The following KCNQ1OT1 variants were observed in gnomAD, a reference collection of about 807,000 sequenced individuals.
The protein encoded by KCNQ1OT1 is KCNQ1 antisense RNA 2 (non-protein coding).
At chr11:2,628,159 A>T in exon 1 of KCNQ1OT1, 1 of 398,638 alleles carries the variant, frequency 2.5e-6, no homozygotes, top group East Asian at 3.6e-5. Context: ...CCCGGAACTG[A>T]GACTGCTGGA....
exon 1 of KCNQ1OT1, chr11:2,692,041 C>A (rs1393195268): frequency 7.5e-6 from 3 of 398,778 alleles, no homozygotes; most frequent in Non-Finnish European, 1.3e-5. Context: ...CCTGACCCCC[C>A]AAATGTCTCT....
chr11:2,667,555 C>T, exon 1 of KCNQ1OT1: 1 of 318,004 alleles, frequency 3.1e-6, no homozygotes. Flanking sequence ...GTCATGGAGA[C>T]ACTTCTGGCA....
At position 2,627,850 on chromosome 11, in the gene KCNQ1OT1, A is replaced by G. The variant is rs968377431; in HGVS notation, n.72145T>C. On this transcript the variant is annotated non_coding_transcript_exon_variant, in exon 1 of 1. Transcript: ENST00000597346. This position sits in a 1 kb window ranked among gnomAD's most constrained non-coding sequence, Gnocchi z 4.9. The stretch of plus-strand genomic sequence containing the variant: ...ACTGTAGCCTCAACCTCATGGGCTC[A>G]AGTGATCCTCCTGCCTCAGCCTCCT... 5.0e-6 allele frequency: 2 copies of G among 398,664 alleles called. No homozygotes were observed. The highest frequency in any genetic ancestry group is 3.6e-5 in the East Asian group (1 of 28,082). The allele number at this position is 398,664 out of a possible 1,614,324, so 24.7% of individuals were successfully genotyped here.
Position 2,627,674 on chromosome 11 carries a change from A to ATGTG in KCNQ1OT1, n.72317_72320dup. The ATGTG allele has an allele frequency of 2.5e-6, 1 of 397,860 alleles. No homozygotes were observed. The highest frequency in any genetic ancestry group is 4.4e-6 in the Non-Finnish European group (1 of 225,714). 24.6% of individuals were successfully genotyped at this position (397,860 alleles called of 1,614,324 possible). ...AATATTTCATTGTGTGTGTGTATAT[A>ATGTG]TGTGTGTGTGTGTGTCTGTATGTAT... is the stretch of plus-strand genomic sequence containing the variant. On this transcript the variant is annotated non_coding_transcript_exon_variant, in exon 1 of 1. Coordinates refer to ENST00000597346, the Ensembl canonical transcript of KCNQ1OT1. This position sits in a 1 kb window ranked among gnomAD's most constrained non-coding sequence, Gnocchi z 4.9.
At position 2,668,496 on chromosome 11, in the gene KCNQ1OT1, G is replaced by C; in HGVS notation, n.31499C>G. The C allele has an allele frequency of 2.5e-6, 1 of 398,618 alleles. No homozygotes were observed. Among genetic ancestry groups the C allele is most frequent in the Non-Finnish European group, 4.4e-6 (1 of 226,060 alleles). 24.7% of individuals were successfully genotyped at this position (398,618 alleles called of 1,614,324 possible). The stretch of plus-strand genomic sequence containing the variant: ...TTCCTTTTCAGCCATGATGGTGAAT[G>C]TCTAGCAGCATCAAATGGTGATTTT... On this transcript the variant is annotated non_coding_transcript_exon_variant, in exon 1 of 1. Coordinates refer to ENST00000597346, the Ensembl canonical transcript of KCNQ1OT1. This position sits in a 1 kb window ranked among gnomAD's most constrained non-coding sequence, Gnocchi z 4.3.
At position 2,621,297 on chromosome 11, in the gene KCNQ1OT1, T is replaced by C. The variant is rs1849168289; in HGVS notation, n.78698A>G. ...CTGGCCTCATTATTTGCATTTCTGA[T>C]TATTAGTGATCATGAGAATGTTTTT... On this transcript the variant is annotated non_coding_transcript_exon_variant, in exon 1 of 1. Coordinates refer to ENST00000597346, the Ensembl canonical transcript of KCNQ1OT1. This position sits in a 1 kb window ranked among gnomAD's most constrained non-coding sequence, Gnocchi z 5.7. 6 of 398,512 alleles carry C rather than the reference T, an allele frequency of 1.5e-5. No individual in the cohort carries two copies. Among genetic ancestry groups the C allele is most frequent in the Non-Finnish European group, 2.7e-5 (6 of 226,010 alleles). The allele number at this position is 398,512 out of a possible 1,614,324, so 24.7% of individuals were successfully genotyped here. A position where few individuals can be genotyped will look rare whatever the true frequency, so the allele number is the denominator to read the frequency against.
chr11:2,627,068 T>TC lies in KCNQ1OT1; in HGVS notation n.72926dup. 2.5e-6 allele frequency: 1 copy of TC among 398,578 alleles called. No homozygotes were observed. 24.7% of individuals were successfully genotyped at this position (398,578 alleles called of 1,614,324 possible). On this transcript the variant is annotated non_coding_transcript_exon_variant, in exon 1 of 1. Transcript: ENST00000597346. This position sits in a 1 kb window ranked among gnomAD's most constrained non-coding sequence, Gnocchi z 4.9. The stretch of plus-strand genomic sequence containing the variant: ...CAATCCATGAACATAGGAGGTGTTT[T>TC]CCCTTTATGTCTACTTTAATTTCTT...
exon 1 of KCNQ1OT1, chr11:2,633,928 G>C: frequency 2.5e-6 from 1 of 398,556 alleles, no homozygotes; most frequent in Non-Finnish European, 4.4e-6. Context: ...ATCCTTGTTA[G>C]ATTATGGGGA....
rs986793669 is a variant in KCNQ1OT1, at chr11:2,623,332, G to A, written n.76663C>T. ...ACTGTGAGAACGGACTAATATGCAT[G>A]TATCTACCATTATAGTATCATACAG... is the stretch of plus-strand genomic sequence containing the variant. On this transcript the variant is annotated non_coding_transcript_exon_variant, in exon 1 of 1. Transcript: ENST00000597346. This position sits in a 1 kb window ranked among gnomAD's most constrained non-coding sequence, Gnocchi z 5.2. The A allele has an allele frequency of 2.5e-5, 10 of 398,532 alleles. No individual in the cohort carries two copies. The highest frequency in any genetic ancestry group is 4.4e-5 in the Admixed American group (1 of 22,708). 24.7% of individuals were successfully genotyped at this position (398,532 alleles called of 1,614,324 possible). A position where few individuals can be genotyped will look rare whatever the true frequency, so the allele number is the denominator to read the frequency against.
chr11:2,634,058 C>G (rs749494175), exon 1 of KCNQ1OT1: 9 of 397,324 alleles, frequency 2.3e-5, no homozygotes, highest in Non-Finnish European at 4.0e-5. Context: ...TATTGTTTGT[C>G]CTATTTGTGG....
rs147181950 is a variant in KCNQ1OT1, at chr11:2,621,209, C to T, written n.78786G>A. On this transcript the variant is annotated non_coding_transcript_exon_variant, in exon 1 of 1. Coordinates refer to ENST00000597346, the Ensembl canonical transcript of KCNQ1OT1. The surrounding 1 kb of genome is among the most constrained non-coding windows in gnomAD (Gnocchi z 5.7). ...GCCAGGATGGTCTCGAATACCTGAC[C>T]CCAGATGATCCACGCACCTCAGCCT... 309 of 397,676 alleles carry T rather than the reference C, an allele frequency of 7.8e-4. 2 individuals carry two copies. The highest frequency in any genetic ancestry group is 6.2e-3 in the African/African-American group (301 of 48,674). The allele number at this position is 397,676 out of a possible 1,614,324, so 24.6% of individuals were successfully genotyped here.
Position 2,641,979 on chromosome 11 carries a change from A to T in KCNQ1OT1, n.58016T>A, listed in dbSNP as rs143736832. On this transcript the variant is annotated non_coding_transcript_exon_variant, in exon 1 of 1. Coordinates refer to ENST00000597346, the Ensembl canonical transcript of KCNQ1OT1. Reference sequence around the variant, plus strand: ...TTACTTCCAGGTTCTACTCTGTTCCATTGGTCTATCAGTTTTTATTCCAAT... The same window carrying T: ...TTACTTCCAGGTTCTACTCTGTTCCTTTGGTCTATCAGTTTTTATTCCAAT... 105 of 398,380 alleles carry T rather than the reference A, an allele frequency of 2.6e-4. 1 individual carries two copies. Among genetic ancestry groups the T allele is most frequent in the African/African-American group, 1.7e-3 (83 of 48,720 alleles). 24.7% of individuals were successfully genotyped at this position (398,380 alleles called of 1,614,324 possible). A position where few individuals can be genotyped will look rare whatever the true frequency, so the allele number is the denominator to read the frequency against.
rs188089172 is a variant in KCNQ1OT1, at chr11:2,649,221, A to G, written n.50774T>C. ...TAAATTACCTACATTCAAGATTGTTATCAATAGGTGAGGACTTACTCCTGT... is the reference window on the plus strand; with the variant it reads ...TAAATTACCTACATTCAAGATTGTTGTCAATAGGTGAGGACTTACTCCTGT... On this transcript the variant is annotated non_coding_transcript_exon_variant, in exon 1 of 1. Coordinates refer to ENST00000597346, the Ensembl canonical transcript of KCNQ1OT1. The G allele has an allele frequency of 9.4e-4, 374 of 398,276 alleles. No individual in the cohort carries two copies. Among genetic ancestry groups the G allele is most frequent in the Non-Finnish European group, 1.5e-3 (347 of 225,960 alleles). The allele number at this position is 398,276 out of a possible 1,614,324, so 24.7% of individuals were successfully genotyped here.
At position 2,617,067 on chromosome 11, in the gene KCNQ1OT1, ATTC is replaced by A. The variant is rs1418587558; in HGVS notation, n.82925_82927del. 2 of 398,068 alleles carry A rather than the reference ATTC, an allele frequency of 5.0e-6. No homozygotes were observed. The highest frequency in any genetic ancestry group is 8.9e-6 in the Non-Finnish European group (2 of 225,858). 24.7% of individuals were successfully genotyped at this position (398,068 alleles called of 1,614,324 possible). On this transcript the variant is annotated non_coding_transcript_exon_variant, in exon 1 of 1. Transcript: ENST00000597346. This position sits in a 1 kb window ranked among gnomAD's most constrained non-coding sequence, Gnocchi z 4.6. ...TTAATATGTCCATCATCTCACAGTT[ATTC>A]TTTTGTGTGTATGAGTGAGAAAAGC...
At position 2,612,499 on chromosome 11, in the gene KCNQ1OT1, C is replaced by G. The variant is rs190260991; in HGVS notation, n.87496G>C. 94 of 398,036 alleles carry G rather than the reference C, an allele frequency of 2.4e-4. No individual in the cohort carries two copies. Among genetic ancestry groups the G allele is most frequent in the Admixed American group, 6.6e-4 (15 of 22,710 alleles). The allele number at this position is 398,036 out of a possible 1,614,324, so 24.7% of individuals were successfully genotyped here. A position where few individuals can be genotyped will look rare whatever the true frequency, so the allele number is the denominator to read the frequency against. The stretch of plus-strand genomic sequence containing the variant: ...GGATCTGCGTTGAAGTTCATTGATT[C>G]TTTCTTCTGCCAGGTCAAATTTGCT... On this transcript the variant is annotated non_coding_transcript_exon_variant, in exon 1 of 1. Coordinates refer to ENST00000597346, the Ensembl canonical transcript of KCNQ1OT1. This position sits in a 1 kb window ranked among gnomAD's most constrained non-coding sequence, Gnocchi z 5.5.
At chr11:2,630,790 CT>C in exon 1 of KCNQ1OT1, 1 of 398,458 alleles carries the variant, frequency 2.5e-6, no homozygotes, top group South Asian at 1.3e-4. Context: ...ACTCCTTCAA[CT>C]TTTGTTTACC....
exon 1 of KCNQ1OT1, chr11:2,632,520 G>A: frequency 2.5e-6 from 1 of 398,122 alleles, no homozygotes; most frequent in Non-Finnish European, 4.4e-6. Flanking sequence ...CTTTTTCTTT[G>A]TCCTTTTATT....
At position 2,677,143 on chromosome 11, in the gene KCNQ1OT1, C is replaced by T. The variant is rs1850307600; in HGVS notation, n.22852G>A. ...CCCTGAAACATCCCTCCCTATTGAA[C>T]ACTGTTGTTTCTCCCTATCCATCTT... On this transcript the variant is annotated non_coding_transcript_exon_variant, in exon 1 of 1. Transcript: ENST00000597346. This position sits in a 1 kb window ranked among gnomAD's most constrained non-coding sequence, Gnocchi z 4.5. 2.5e-6 allele frequency: 1 copy of T among 398,458 alleles called. No homozygotes were observed. Among genetic ancestry groups the T allele is most frequent in the Non-Finnish European group, 4.4e-6 (1 of 226,074 alleles). The allele number at this position is 398,458 out of a possible 1,614,324, so 24.7% of individuals were successfully genotyped here.
exon 1 of KCNQ1OT1, chr11:2,632,343 T>G (rs1202597718): frequency 5.0e-6 from 2 of 398,360 alleles, no homozygotes; most frequent in Non-Finnish European, 8.8e-6. Context: ...AATTCTTCCT[T>G]TCTAAATGAT....
Sources: gnomAD v4.1 joint callset for allele counts on GRCh38, gnomAD v4.1.1 for gene constraint, Gnocchi (gnomAD v3.1) non-coding constraint, MANE v1.5 for transcripts, NCBI Gene and HGNC (gene_info 2026-07-23, HGNC 2026-07-21) for gene names.